The following ADGRG1 variants were observed in gnomAD, a reference collection of about 807,000 sequenced individuals.
The protein encoded by ADGRG1 is adhesion G protein-coupled receptor G1, also known as 7-transmembrane protein with no EGF-like N-terminal domains-1.
A neutral mutation model predicts 73.5 loss-of-function variants in ADGRG1; 53 were observed. The observed-to-expected ratio is 0.72, with a 90% CI of 0.58 to 0.91. The LOEUF is 0.91. Among genes scored for constraint, ADGRG1 ranks in the 40% least tolerant of loss-of-function variants. ADGRG1 has a pLI of 0.00. For synonymous variants in ADGRG1, 394 were observed against 374.4 expected (o/e 1.05, Z -0.60); for missense variants, 795 against 871.8 (o/e 0.91, Z 1.11).
chr16:57,637,199 C>G (rs1316820862), intron 1 of ADGRG1: 1 of 456,404 alleles, frequency 2.2e-6, no homozygotes, highest in African/African-American at 2.1e-5. Context: ...CCCTGAGCCT[C>G]AGTTCTCTGA....
rs1273531531 is a variant in ADGRG1 at position 57,651,261 on chromosome 16, C to A, written c.126C>A (p.His42Gln). The A allele has an allele frequency of 6.2e-7, 1 of 1,614,186 alleles. No individual in the cohort carries two copies. The highest frequency in any genetic ancestry group is 2.2e-5 in the East Asian group (1 of 44,866). Residue 42 changes from histidine to glutamine, a missense_variant, in exon 3 of 14, where the codon CAC becomes CAA. By Grantham distance (24) the His-to-Gln change is conservative. Coordinates refer to ENST00000562631, the MANE Select transcript of ADGRG1 (RefSeq NM_201525.4). ...FRFCSQRNQT[H>Q]RSSLHYKPTP... ...TCTGCAGCCAGCGGAACCAGACACA[C>A]AGGAGCAGCCTCCACTACAAACCCA...
Position 57,657,376 on chromosome 16 carries a change from T to C in ADGRG1, c.1171T>C (p.Ser391Pro), listed in dbSNP as rs1224044871. Reference protein sequence around the residue: ...HLTYFAVLMVSSVEVDAVHKH... With the variant: ...HLTYFAVLMVPSVEVDAVHKH... The stretch of plus-strand genomic sequence containing the variant: ...CTCTCCTGTCTCCTGGGGCCAGGTC[T>C]CCTCGGTGGAGGTGGACGCCGTGCA... Residue 391 changes from serine to proline, a missense_variant, in exon 10 of 14, where the codon TCC becomes CCC. Physicochemically the swap from Ser to Pro is moderately conservative, Grantham distance 74. Transcript: ENST00000562631. 6.2e-7 allele frequency: 1 copy of C among 1,613,906 alleles called. No individual in the cohort carries two copies. The highest frequency in any genetic ancestry group is 8.5e-7 in the Non-Finnish European group (1 of 1,179,928).
intron 4 of ADGRG1, chr16:57,653,597 C>A: frequency 1.0e-6 from 1 of 984,378 alleles, no homozygotes; most frequent in Non-Finnish European, 1.2e-6. Flanking sequence ...GTCCACAGTA[C>A]AGCCCAGCAG....
In ADGRG1 at chr16:57,628,632, A is replaced by ACTAG. The variant is rs2036398055; in HGVS notation, c.-203_-200dup. On this transcript the variant is annotated 5_prime_UTR_variant, in exon 1 of 14. Coordinates refer to ENST00000562631, the MANE Select transcript of ADGRG1 (RefSeq NM_201525.4). ...ACAAACCCGGTCCCTCCCTCTCCGC[A>ACTAG]CTAGCTGTCTGCCCTGCCCTGCCGT... The ACTAG allele has an allele frequency of 5.1e-6, 5 of 985,344 alleles. No individual in the cohort carries two copies. The highest frequency in any genetic ancestry group is 6.0e-6 in the Non-Finnish European group (5 of 829,948). 61.0% of individuals were successfully genotyped at this position (985,344 alleles called of 1,614,324 possible).
upstream of ADGRG1, chr16:57,623,841 C>T (rs1301866710): frequency 1.0e-6 from 1 of 984,572 alleles, no homozygotes; most frequent in Non-Finnish European, 1.2e-6. Context: ...CAGGAGATAG[C>T]AGGGAGGTGG....
intron 1 of ADGRG1, chr16:57,637,635 G>A (rs1364386636): frequency 8.2e-6 from 8 of 980,224 alleles, no homozygotes; most frequent in Middle Eastern, 5.2e-4. Flanking sequence ...CTCTTCCTCC[G>A]GGGGCCAAAA....
chr16:57,652,996 C>T (rs1295460278), intron 3 of ADGRG1: 19 of 1,431,444 alleles, frequency 1.3e-5, no homozygotes, highest in East Asian at 5.1e-5. Context: ...GCATTGCTGG[C>T]GGGTTCTGTA....
At chr16:57,628,850 G>A (rs1344650587) in intron 1 of ADGRG1, 48 bp downstream of exon 1, 5 of 984,444 alleles carry the variant, frequency 5.1e-6, no homozygotes, top group African/African-American at 1.8e-5. Context: ...AATAGTGTGA[G>A]TGTGAGAGTG....
chr16:57,649,653 C>T (rs576422572), intron 1 of ADGRG1, among the ~76,000 whole-genome samples: 107 of 152,204 alleles, frequency 7.0e-4, no homozygotes, highest in African/African-American at 2.5e-3. Flanking sequence ...AAGATAATCC[C>T]GTCACTCTGG....
At chr16:57,622,647 C>A in intron 2 of ADGRG1, 1 of 388,528 alleles carries the variant, frequency 2.6e-6, no homozygotes, top group South Asian at 1.0e-4. Context: ...GGCTCAGGGG[C>A]TTCTGAAGGC....
At chr16:57,632,772 G>T in intron 1 of ADGRG1, 1 of 985,142 alleles carries the variant, frequency 1.0e-6, no homozygotes. Flanking sequence ...AGCCCCGGAG[G>T]AGCTGGCATG....
At position 57,657,041 on chromosome 16, in the gene ADGRG1, C is replaced by T. The variant is rs2045907738; in HGVS notation, c.1168-332C>T. Among the ~76,000 whole-genome samples, 4 of 152,194 alleles carry T rather than the reference C, an allele frequency of 2.6e-5. No homozygotes were observed. In the South Asian group the frequency reaches 8.3e-4, roughly 32 times the overall value. ...GGTATCCACCTGGGGCTTGAACACC[C>T]CTGGGTGTGGGAATCTCATTCCCTC... On this transcript the variant is annotated intron_variant, in intron 9 of 13. Coordinates refer to ENST00000562631, the MANE Select transcript of ADGRG1 (RefSeq NM_201525.4).
intron 1 of ADGRG1, chr16:57,634,167 G>T: frequency 1.0e-6 from 1 of 985,328 alleles, no homozygotes; most frequent in South Asian, 4.7e-5. Context: ...GCCCCTGGGA[G>T]CTAGGCTGAG....
upstream of ADGRG1, chr16:57,625,520 C>T (rs1330215484): frequency 5.1e-6 from 5 of 975,510 alleles, no homozygotes; most frequent in East Asian, 5.7e-4. Flanking sequence ...TCCTTCGAGG[C>T]CCCATCCGGA....
At chr16:57,645,348 T>C in intron 1 of ADGRG1, 1 of 984,348 alleles carries the variant, frequency 1.0e-6, no homozygotes, top group South Asian at 4.7e-5. Context: ...CCCTCGTTCC[T>C]CCCTCCTTGG....
intron 11 of ADGRG1, chr16:57,660,491 G>A: frequency 1.3e-6 from 1 of 778,502 alleles, no homozygotes; most frequent in Non-Finnish European, 1.6e-6. Context: ...ATCCAGCCCT[G>A]CAGCAGAGAC....
At chr16:57,662,870 G>A (rs971620412) in intron 13 of ADGRG1, 7 of 940,844 alleles carry the variant, frequency 7.4e-6, no homozygotes, top group Non-Finnish European at 8.9e-6. Context: ...AGGCCCAGGG[G>A]CTCTCATGGG....
Position 57,661,980 on chromosome 16 carries a change from C to T in ADGRG1, c.1933+15C>T, listed in dbSNP as rs201227916. On this transcript the variant is annotated intron_variant, in intron 13 of 13. Transcript: ENST00000562631. ...CTCCTTCCAAGGTAAGGAGAAGACC[C>T]GTCCCTTGGCCCAGGCAGGGTGTCT... The T allele has an allele frequency of 2.0e-4, 316 of 1,600,772 alleles. 4 individuals carry two copies. The Admixed American group carries it at 4.5e-3, about 23-fold the overall frequency.
At chr16:57,641,035 T>C (rs1160423344) in intron 1 of ADGRG1, 1 of 985,364 alleles carries the variant, frequency 1.0e-6, no homozygotes, top group African/African-American at 1.7e-5. Context: ...CGGTTCAGCA[T>C]CCTCTTTGTC....
Sources: gnomAD v4.1 joint callset for allele counts (sites outside exome capture counted in the v4.1 genomes callset) on GRCh38, gnomAD v4.1.1 for gene constraint, MANE v1.5 for transcripts, NCBI Gene and HGNC (gene_info 2026-07-23, HGNC 2026-07-21) for gene names.